Variants in NGFR observed in about 807,000 individuals in gnomAD.
NGFR encodes nerve growth factor receptor, also known as tumor necrosis factor receptor superfamily member 16.
Under a neutral mutation model 43.2 loss-of-function variants are expected in NGFR, and 30 were observed. The observed-to-expected ratio is 0.69, with a 90% CI of 0.52 to 0.94. NGFR has a LOEUF of 0.94. Ranked by LOEUF, NGFR falls within the 40% of genes least tolerant of loss-of-function variation. The probability of loss-of-function intolerance (pLI) is 0.00; values close to 1 mark genes in which losing one functional copy is unlikely to be tolerated. For missense variants in NGFR, 529 were observed against 602.5 expected (o/e 0.88, Z 1.28); for synonymous variants, 246 against 259.6 (o/e 0.95, Z 0.50).
intron 4 of NGFR, among the ~76,000 whole-genome samples, chr17:49,511,483 GTAAT>G (rs1439805337): frequency 6.7e-6 from 1 of 149,492 alleles, no homozygotes; most frequent in Non-Finnish European, 1.5e-5. Flanking sequence ...TGGATGGATG[GTAAT>G]TTATTTAGCC....
Position 49,513,110 on chromosome 17 carries a change from T to G in NGFR, c.*101T>G. ...CCCCACCCTTTGGGGGGGGCCCGCC[T>G]GGCAGAACTGAGCTCCTCTGGGCAG... On this transcript the variant is annotated 3_prime_UTR_variant, in exon 6 of 6. Transcript: ENST00000172229. 1.6e-6 allele frequency: 2 copies of G among 1,281,740 alleles called. No individual in the cohort carries two copies. Among genetic ancestry groups the G allele is most frequent in the Non-Finnish European group, 2.1e-6 (2 of 959,228 alleles). The allele number at this position is 1,281,740 out of a possible 1,614,324, so 79.4% of individuals were successfully genotyped here.
chr17:49,499,839 G>A (rs531968818), intron 1 of NGFR, among the ~76,000 whole-genome samples: 35 of 152,130 alleles, frequency 2.3e-4, no homozygotes, highest in Admixed American at 5.2e-4. Flanking sequence ...TGCCTGCCTC[G>A]GCCTCCCAAA....
intron 1 of NGFR, among the ~76,000 whole-genome samples, chr17:49,498,412 T>G (rs779051450): frequency 2.0e-5 from 3 of 152,196 alleles, no homozygotes; most frequent in Non-Finnish European, 2.9e-5. Flanking sequence ...TATGTGCCAG[T>G]GCCTCCCCTG....
rs563170298 is a variant in NGFR, at chr17:49,502,877, T to G, written c.208+673T>G. ...CTTCCTTCCTTCCTTCCTTTCTCTC[T>G]CTCTCTTTCTTTACCTTTCTTTCCT... On this transcript the variant is annotated intron_variant, in intron 2 of 5. Transcript: ENST00000172229. Among the ~76,000 whole-genome samples the G allele has an allele frequency of 1.9e-3, 289 of 150,412 alleles. 1 individual carries two copies. The highest frequency in any genetic ancestry group is 3.1e-3 in the Non-Finnish European group (209 of 67,374).
chr17:49,501,999 A>ATCGGGGCCCCCCCCCCC, intron 1 of NGFR, 64 bp from the exon 2 acceptor site: 1 of 330,984 alleles, frequency 3.0e-6, no homozygotes. Flanking sequence ...TCCCCGGAAG[A>ATCGGGGCCCCCCCCCCC]ACCCCCCCCA....
intron 3 of NGFR, among the ~76,000 whole-genome samples, chr17:49,507,843 C>T (rs1318260134): frequency 6.6e-6 from 1 of 152,208 alleles, no homozygotes; most frequent in Non-Finnish European, 1.5e-5. Context: ...GTGGTCCCAG[C>T]ACTTAGTCCC....
In NGFR at chr17:49,495,766, G is replaced by C. The variant is rs1469549261; in HGVS notation, c.66+283G>C. On this transcript the variant is annotated intron_variant, in intron 1 of 5. Coordinates refer to ENST00000172229, the MANE Select transcript of NGFR (RefSeq NM_002507.4). The surrounding 1 kb of genome is among the most constrained non-coding windows in gnomAD (Gnocchi z 6.4). ...GGGAGCTGGGAGGGGTCTTTCAAGA[G>C]GGGGCATGGGGCTCTCCGATGCCCA... 2.7e-6 allele frequency: 1 copy of C among 372,628 alleles called. No homozygotes were observed. Among genetic ancestry groups the C allele is most frequent in the African/African-American group, 2.1e-5 (1 of 47,968 alleles). The allele number at this position is 372,628 out of a possible 1,614,324, so 23.1% of individuals were successfully genotyped here.
At chr17:49,506,176 G>T in intron 2 of NGFR, 123 bp from the exon 3 acceptor site, 1 of 1,471,688 alleles carries the variant, frequency 6.8e-7, no homozygotes, top group Non-Finnish European at 8.9e-7. Context: ...GGTGGGAGCC[G>T]ATGAGAAGGC....
rs943639122 is a variant in NGFR at position 49,513,098 on chromosome 17, G to C, written c.*89G>C. Reference sequence around the variant, plus strand: ...TGGAGCCCGCACCCCCACCCTTTGGGGGGGGCCCGCCTGGCAGAACTGAGC... The same window carrying C: ...TGGAGCCCGCACCCCCACCCTTTGGCGGGGGCCCGCCTGGCAGAACTGAGC... On this transcript the variant is annotated 3_prime_UTR_variant, in exon 6 of 6. Coordinates refer to ENST00000172229, the MANE Select transcript of NGFR (RefSeq NM_002507.4). The C allele has an allele frequency of 9.5e-6, 13 of 1,361,826 alleles. No individual in the cohort carries two copies. Among genetic ancestry groups the C allele is most frequent in the Middle Eastern group, 2.6e-4 (1 of 3,784 alleles). 84.4% of individuals were successfully genotyped at this position (1,361,826 alleles called of 1,614,324 possible). A position where few individuals can be genotyped will look rare whatever the true frequency, so the allele number is the denominator to read the frequency against.
intron 1 of NGFR, chr17:49,497,568 C>G (rs1462401420): frequency 6.6e-6 from 1 of 152,444 alleles, no homozygotes; most frequent in Non-Finnish European, 1.5e-5. Context: ...TCTGCAGCCC[C>G]TGCGGCTCCC....
Position 49,506,630 on chromosome 17 carries a change from C to T in NGFR, c.540C>T (p.Cys180=). Residue 180 remains cysteine, a synonymous_variant, in exon 3 of 6, where the codon TGC becomes TGT. Transcript: ENST00000172229. ...CEDTERQLRE[C]TRWADAECEE... The stretch of plus-strand genomic sequence containing the variant: ...ACACCGAGCGCCAGCTCCGCGAGTG[C>T]ACACGCTGGGCCGACGCCGAGTGCG... The T allele has an allele frequency of 6.3e-7, 1 of 1,581,194 alleles. No homozygotes were observed.
rs2071240045 is a variant in NGFR, at chr17:49,512,498, A to G, written c.983-210A>G. On this transcript the variant is annotated intron_variant, in intron 5 of 5. Coordinates refer to ENST00000172229, the MANE Select transcript of NGFR (RefSeq NM_002507.4). This position sits in a 1 kb window ranked among gnomAD's most constrained non-coding sequence, Gnocchi z 5.2. Reference sequence around the variant, plus strand: ...GGGGGAAGAGAGGAGGGATGGGGATAGGGATTGGGCTGGAGTGACAGGAGG... The same window carrying G: ...GGGGGAAGAGAGGAGGGATGGGGATGGGGATTGGGCTGGAGTGACAGGAGG... Among the ~76,000 whole-genome samples the G allele has an allele frequency of 6.6e-6, 1 of 152,152 alleles. No individual in the cohort carries two copies. The highest frequency in any genetic ancestry group is 2.4e-5 in the African/African-American group (1 of 41,432).
intron 2 of NGFR, among the ~76,000 whole-genome samples, chr17:49,505,147 C>T (rs1011388420): frequency 3.9e-5 from 6 of 152,012 alleles, no homozygotes; most frequent in South Asian, 2.1e-4. Flanking sequence ...ACCACACCCC[C>T]GAAGCCAGTG....
At chr17:49,504,350 G>A (rs1037165960) in intron 2 of NGFR, among the ~76,000 whole-genome samples, 7 of 152,190 alleles carry the variant, frequency 4.6e-5, no homozygotes, top group Non-Finnish European at 1.0e-4. Flanking sequence ...GTATAGCTCA[G>A]ACATCCTGCC....
rs752466539 is a variant in NGFR at position 49,495,309 on chromosome 17, C to T, written c.-109C>T. 8 of 923,030 alleles carry T rather than the reference C, an allele frequency of 8.7e-6. No individual in the cohort carries two copies. In the South Asian group the frequency reaches 1.6e-4, roughly 19 times the overall value. The allele number at this position is 923,030 out of a possible 1,614,324, so 57.2% of individuals were successfully genotyped here. A position where few individuals can be genotyped will look rare whatever the true frequency, so the allele number is the denominator to read the frequency against. On this transcript the variant is annotated 5_prime_UTR_variant, in exon 1 of 6. Coordinates refer to ENST00000172229, the MANE Select transcript of NGFR (RefSeq NM_002507.4). The surrounding 1 kb of genome is among the most constrained non-coding windows in gnomAD (Gnocchi z 6.4). ...CCCGCAGCCAGAGCGAGCCGAGCCG[C>T]GGCCAGCTCCGGCGGGCAGGGGGGG...
chr17:49,510,734 G>A (rs867215904), intron 4 of NGFR, 70 bp downstream of exon 4: 11 of 1,579,374 alleles, frequency 7.0e-6, no homozygotes, highest in Middle Eastern at 1.7e-4. Flanking sequence ...CTGTGACCTT[G>A]ACCTGAAAAC....
intron 1 of NGFR, among the ~76,000 whole-genome samples, 198 bp from the exon 2 acceptor site, chr17:49,501,865 G>A (rs2071168408): frequency 1.3e-5 from 2 of 152,214 alleles, no homozygotes; most frequent in South Asian, 4.1e-4. Context: ...CCAGCAGCCT[G>A]CACGGGCACA....
At chr17:49,505,071 C>A (rs1165926713) in intron 2 of NGFR, among the ~76,000 whole-genome samples, 1 of 152,076 alleles carries the variant, frequency 6.6e-6, no homozygotes, top group Non-Finnish European at 1.5e-5. Flanking sequence ...CACGCCCAGC[C>A]TTTGTCCCCA....
At position 49,512,002 on chromosome 17, in the gene NGFR, G is replaced by T; in HGVS notation, c.932G>T (p.Ser311Ile). 1 of 1,613,850 alleles carries T rather than the reference G, an allele frequency of 6.2e-7. No homozygotes were observed. The highest frequency in any genetic ancestry group is 8.5e-7 in the Non-Finnish European group (1 of 1,179,930). Residue 311 changes from serine to isoleucine, a missense_variant, in exon 5 of 6, where the codon AGC (serine) becomes ATC (isoleucine). Transcript: ENST00000172229. This position sits in a 1 kb window ranked among gnomAD's most constrained non-coding sequence, Gnocchi z 5.2. ...LHSDSGISVD[S>I]QSLHDQQPHT... ...AGCGACAGTGGCATCTCCGTGGACA[G>T]CCAGAGCCTGCATGACCAGCAGCCC... is the stretch of plus-strand genomic sequence containing the variant.
Sources: allele counts gnomAD v4.1 joint callset (sites outside exome capture counted in the v4.1 genomes callset), GRCh38; gene constraint gnomAD v4.1.1; non-coding constraint Gnocchi (gnomAD v3.1); transcripts MANE v1.5; gene names NCBI Gene and HGNC (gene_info 2026-07-23, HGNC 2026-07-21).